EP400: variants seen among roughly 807,000 people sequenced by gnomAD.
The protein encoded by EP400 is E1A-binding protein p400.
EP400 carries 105 observed loss-of-function variants against 354.1 expected under a neutral mutation model. That is an observed-to-expected ratio of 0.30 (90% CI 0.25 to 0.35). EP400 has a LOEUF of 0.35. Ranked by LOEUF, EP400 falls within the 10% of genes least tolerant of loss-of-function variation. EP400 has a pLI of 1.00. For missense variants in EP400, 3,280 were observed against 4,121.0 expected, an observed-to-expected ratio of 0.80 and a Z score of 5.59; for synonymous variants, 1,646 against 1,716.9, an observed-to-expected ratio of 0.96 and a Z score of 1.02.
intron 15 of EP400, among the ~76,000 whole-genome samples, chr12:132,008,070 T>G (rs1336865449): frequency 1.3e-5 from 2 of 152,144 alleles, no homozygotes; most frequent in East Asian, 3.9e-4. Context: ...AGCCTCAGCC[T>G]CCCAAGTAGC....
At position 132,029,842 on chromosome 12, in the gene EP400, G is replaced by T. The variant is rs781254068; in HGVS notation, c.5523G>T (p.Arg1841=). 5.0e-6 allele frequency: 8 copies of T among 1,612,850 alleles called. No individual in the cohort carries two copies. The highest frequency in any genetic ancestry group is 1.3e-5 in the African/African-American group (1 of 74,952). The part of the protein sequence containing the change: ...EHAAPYFQQL[R]QTTAPRLLQF... Reference sequence around the variant, plus strand: ...CTGCGCCGTACTTCCAGCAGCTGCGGCAGACCACGGCTCCACGCCTGCTGC... The same window carrying T: ...CTGCGCCGTACTTCCAGCAGCTGCGTCAGACCACGGCTCCACGCCTGCTGC... Residue 1841 remains arginine (R), a synonymous_variant, in exon 28 of 53, where the codon CGG becomes CGT. Coordinates refer to ENST00000389561, the MANE Select transcript of EP400 (RefSeq NM_015409.5). The surrounding 1 kb of genome is among the most constrained non-coding windows in gnomAD (Gnocchi z 4.7).
intron 30 of EP400, among the ~76,000 whole-genome samples, chr12:132,037,208 C>G (rs1894749047): frequency 6.6e-6 from 1 of 152,158 alleles, no homozygotes; most frequent in East Asian, 1.9e-4. Flanking sequence ...AATTGAACAC[C>G]TCTTGTGGGT....
rs1893593573 is a variant in EP400 at position 132,006,682 on chromosome 12, A to C, written c.3127-18A>C. ...TATTTTGACGAGCTGTCATTCTTTT[A>C]TTTGTTCATCACTGCAGGTCAAGTT... is the stretch of plus-strand genomic sequence containing the variant. On this transcript the variant is annotated intron_variant, in intron 14 of 52. Transcript: ENST00000389561. 3.2e-6 allele frequency: 5 copies of C among 1,552,990 alleles called. No homozygotes were observed. The highest frequency in any genetic ancestry group is 1.4e-5 in the African/African-American group (1 of 71,616).
chr12:132,058,353 AT>A (rs60226464), intron 45 of EP400, among the ~76,000 whole-genome samples: 2,063 of 129,456 alleles, frequency 0.016, 27 homozygotes, highest in African/African-American at 0.051. Flanking sequence ...TAAAGATTGG[AT>A]TTTTTTTTTT....
rs1892901933 is a variant in EP400 at position 131,987,794 on chromosome 12, C to A, written c.2313C>A (p.Arg771=). ...TGCCAAAGCTGCAGGAGGCCCCACG[C>A]CCCAAGTCCCACTGGGACTATCTGC... ...RRLPKLQEAP[R]PKSHWDYLLE... Residue 771 remains arginine (R), a synonymous_variant, in exon 7 of 53, where the codon CGC becomes CGA. Coordinates refer to ENST00000389561, the MANE Select transcript of EP400 (RefSeq NM_015409.5). 3 of 1,613,114 alleles carry A rather than the reference C, an allele frequency of 1.9e-6. No individual in the cohort carries two copies. Among genetic ancestry groups the A allele is most frequent in the Non-Finnish European group, 2.5e-6 (3 of 1,179,952 alleles).
At chr12:132,063,826 C>G (rs1209551250) in intron 47 of EP400, among the ~76,000 whole-genome samples, 2 of 152,198 alleles carry the variant, frequency 1.3e-5, no homozygotes, top group Non-Finnish European at 2.9e-5. Context: ...GTGGCTGTGG[C>G]TACCACCCTG....
rs771228010 is a variant in EP400, at chr12:132,018,403, A to T, written c.4277+27A>T. On this transcript the variant is annotated intron_variant, in intron 21 of 52. Coordinates refer to ENST00000389561, the MANE Select transcript of EP400 (RefSeq NM_015409.5). This position sits in a 1 kb window ranked among gnomAD's most constrained non-coding sequence, Gnocchi z 4.0. ...TGCGTGCGACCCAGAGGCAGCGGGGAGGGTTGGCTCCCAGGGCCCCCACAG... is the reference window on the plus strand; with the variant it reads ...TGCGTGCGACCCAGAGGCAGCGGGGTGGGTTGGCTCCCAGGGCCCCCACAG... 4 of 1,574,412 alleles carry T rather than the reference A, an allele frequency of 2.5e-6. No individual in the cohort carries two copies. The highest frequency in any genetic ancestry group is 2.3e-5 in the South Asian group (2 of 85,260).
At chr12:131,966,903 CAAAAAAAAAAAAAA>C (rs1179689543) in intron 2 of EP400, among the ~76,000 whole-genome samples, 1 of 57,836 alleles carries the variant, frequency 1.7e-5, no homozygotes, top group Non-Finnish European at 3.2e-5. Flanking sequence ...AGACTTGTCT[CAAAAAAAAAAAAAA>C]AAAAAAAACC....
At chr12:131,975,075 T>C (rs1449219329) in intron 2 of EP400, among the ~76,000 whole-genome samples, 1 of 151,768 alleles carries the variant, frequency 6.6e-6, no homozygotes, top group Non-Finnish European at 1.5e-5. Flanking sequence ...AAAATAATTC[T>C]GAAAACCAAG....
Position 132,013,186 on chromosome 12 carries a change from T to G in EP400, c.3611+8T>G, listed in dbSNP as rs766267796. The G allele has an allele frequency of 2.5e-6, 4 of 1,600,268 alleles. No homozygotes were observed. The highest frequency in any genetic ancestry group is 3.4e-6 in the Non-Finnish European group (4 of 1,170,462). ...GGTTTTCACCCTGCAGAGGTCTGTG[T>G]GTTACGCGCTTGTCATTGAGTGTTC... On this transcript the variant is annotated splice_region_variant and intron_variant, in intron 17 of 52. Transcript: ENST00000389561. This position sits in a 1 kb window ranked among gnomAD's most constrained non-coding sequence, Gnocchi z 4.5.
intron 11 of EP400, among the ~76,000 whole-genome samples, chr12:131,993,144 A>G (rs915390631): frequency 6.6e-6 from 1 of 152,206 alleles, no homozygotes; most frequent in South Asian, 2.1e-4. Context: ...CTCTTGCCTC[A>G]GCCTCCTGAG....
chr12:132,013,146 G>C lies in EP400; in HGVS notation c.3579G>C (p.Glu1193Asp), dbSNP rs369735156. Reference sequence around the variant, plus strand: ...TGCAGCGCGTGAAGGGCATGACCGAGAGGCACTGGGAAGCGGTTTTCACCC... The same window carrying C: ...TGCAGCGCGTGAAGGGCATGACCGACAGGCACTGGGAAGCGGTTTTCACCC... ...DEMQRVKGMT[E>D]RHWEAVFTLQ... is the part of the protein sequence containing the mutation. The change falls in exon 17 of 53, where the codon GAG becomes GAC. Residue 1193 changes from glutamate to aspartate, a missense_variant. Physicochemically the swap from Glu to Asp is conservative, Grantham distance 45 (BLOSUM62 2). Transcript: ENST00000389561. This position sits in a 1 kb window ranked among gnomAD's most constrained non-coding sequence, Gnocchi z 4.5. 20 of 1,613,856 alleles carry C rather than the reference G, an allele frequency of 1.2e-5. No individual in the cohort carries two copies. Among genetic ancestry groups the C allele is most frequent in the Non-Finnish European group, 1.6e-5 (19 of 1,179,868 alleles).
At position 132,045,822 on chromosome 12, in the gene EP400, C is replaced by T. The variant is rs750746261; in HGVS notation, c.7122C>T (p.Ser2374=). The T allele has an allele frequency of 1.2e-6, 2 of 1,614,246 alleles. No individual in the cohort carries two copies. Among genetic ancestry groups the T allele is most frequent in the Non-Finnish European group, 8.5e-7 (1 of 1,180,054 alleles). Residue 2374 remains serine (S), a synonymous_variant, in exon 39 of 53, where the codon TCC becomes TCT. Transcript: ENST00000389561. ...ATCTTGTCAGTGACGTTGTTAACTC[C>T]TGTAGCCGAATCTACCGCTCTTCCA... The part of the protein sequence containing the change: ...NWDLVSDVVN[S]CSRIYRSSKQ...
intron 4 of EP400, among the ~76,000 whole-genome samples, 155 bp downstream of exon 4, chr12:131,981,751 T>A (rs191569704): frequency 6.6e-6 from 1 of 152,170 alleles, no homozygotes; most frequent in East Asian, 1.9e-4. Flanking sequence ...CCAGTCGATA[T>A]CATATGCAAA....
chr12:132,074,221 G>A (rs561432337), intron 51 of EP400, among the ~76,000 whole-genome samples: 2 of 152,246 alleles, frequency 1.3e-5, no homozygotes, highest in South Asian at 2.1e-4. Flanking sequence ...CACCGCGCCC[G>A]GTCGGCATTG....
intron 43 of EP400, 52 bp downstream of exon 43, chr12:132,053,649 C>A: frequency 6.9e-7 from 1 of 1,448,130 alleles, no homozygotes. Flanking sequence ...TCACCCACAC[C>A]TGCACTTGAT....
At chr12:131,977,538 T>G (rs1010546516) in intron 2 of EP400, among the ~76,000 whole-genome samples, 1 of 151,956 alleles carries the variant, frequency 6.6e-6, no homozygotes, top group African/African-American at 2.4e-5. Context: ...TACTCTTTTC[T>G]TTGGTTGTAT....
Position 132,013,070 on chromosome 12 carries a change from G to C in EP400, c.3503G>C (p.Gly1168Ala), listed in dbSNP as rs755559280. The change falls in exon 17 of 53, where the codon GGC becomes GCC. Residue 1168 changes from glycine to alanine, a missense_variant. Physicochemically the swap from Gly to Ala is moderately conservative, Grantham distance 60 (BLOSUM62 0). Around this residue, in one of 20 missense-constraint regions of EP400, gnomAD observed 242 missense variants for 357.9 expected, o/e 0.68. Transcript: ENST00000389561. This position sits in a 1 kb window ranked among gnomAD's most constrained non-coding sequence, Gnocchi z 4.5. ...ACGTCCTACACTCAGTTCTTCCGGG[G>C]CCTCACCGCCTTCACACGAGTGCGC... Reference protein sequence around the residue: ...CITSYTQFFRGLTAFTRVRWK... With the variant: ...CITSYTQFFRALTAFTRVRWK... The C allele has an allele frequency of 1.2e-6, 2 of 1,614,082 alleles. No homozygotes were observed. Among genetic ancestry groups the C allele is most frequent in the South Asian group, 2.2e-5 (2 of 91,060 alleles).
In EP400 at chr12:132,054,955, A is replaced by G; in HGVS notation, c.7729-19A>G. The G allele has an allele frequency of 1.6e-6, 2 of 1,245,208 alleles. No homozygotes were observed. The highest frequency in any genetic ancestry group is 2.2e-6 in the Non-Finnish European group (2 of 889,320). 77.1% of individuals were successfully genotyped at this position (1,245,208 alleles called of 1,614,324 possible). ...AGAGCCTGACGTGAAATTCAAATGG[A>G]TTTTTTTTTTTTAAATAGGCAGGAA... is the stretch of plus-strand genomic sequence containing the variant. On this transcript the variant is annotated intron_variant, in intron 43 of 52. Coordinates refer to ENST00000389561, the MANE Select transcript of EP400 (RefSeq NM_015409.5). The surrounding 1 kb of genome is among the most constrained non-coding windows in gnomAD (Gnocchi z 4.0).
Sources: gnomAD v4.1 joint callset for allele counts (sites outside exome capture counted in the v4.1 genomes callset) on GRCh38, gnomAD v4.1.1 for gene constraint, gnomAD v4.1.1 regional missense constraint, Gnocchi (gnomAD v3.1) non-coding constraint, MANE v1.5 for transcripts, NCBI Gene and HGNC (gene_info 2026-07-23, HGNC 2026-07-21) for gene names.